BSG: variants seen among roughly 807,000 people sequenced by gnomAD.
BSG encodes basigin (Ok blood group), also known as basigin.
Under a neutral mutation model 43.1 loss-of-function variants are expected in BSG, and 37 were observed. The ratio of observed to expected loss-of-function variants is 0.86; its 90% CI spans 0.66 to 1.13. BSG has a LOEUF of 1.13. BSG is among the 50% of genes most tolerant of loss of function. The pLI, the probability that BSG is intolerant of heterozygous loss-of-function variation, is 0.00. For synonymous variants in BSG, 309 were observed against 238.7 expected (o/e 1.29, Z -2.72); for missense variants, 599 against 554.2 (o/e 1.08, Z -0.81).
rs28989774 is a variant in BSG at position 572,988 on chromosome 19, G to T, written c.67+287G>T. Among the ~76,000 whole-genome samples, 24 of 152,168 alleles carry T rather than the reference G, an allele frequency of 1.6e-4. 1 individual carries two copies. Among genetic ancestry groups the T allele is most frequent in the Non-Finnish European group, 5.9e-5 (4 of 68,008 alleles). On this transcript the variant is annotated intron_variant, in intron 1 of 8. Transcript: ENST00000333511. ...GGCGTGAAGCTCCCTGCTTGGAGGC[G>T]GGAGCCAGGGGGTCCTGGCCAGGCC...
rs104894669 is a variant in BSG at position 580,428 on chromosome 19, G to A, written c.622G>A (p.Glu208Lys). ...AGAGTACTCCTGCGTCTTCCTCCCCGAGCCCATGGGCACGGCCAACATCCA... is the reference window on the plus strand; with the variant it reads ...AGAGTACTCCTGCGTCTTCCTCCCCAAGCCCATGGGCACGGCCAACATCCA... ...WGEYSCVFLP[E>K]PMGTANIQLH... The change falls in exon 4 of 9, where the codon GAG becomes AAG. Residue 208 changes from glutamate (E) to lysine (K), a missense_variant. Coordinates refer to ENST00000333511, the MANE Select transcript of BSG (RefSeq NM_001728.4). The A allele has an allele frequency of 5.0e-5, 80 of 1,610,862 alleles. No individual in the cohort carries two copies. In the East Asian group the frequency reaches 1.5e-3, roughly 30 times the overall value.
At chr19:572,557 C>A, upstream of BSG, 4 of 1,404,780 alleles carry the variant, frequency 2.8e-6, no homozygotes, top group African/African-American at 4.5e-5. Flanking sequence ...CCGGTCCGCG[C>A]CTCCGCCGCT....
intron 1 of BSG, among the ~76,000 whole-genome samples, chr19:576,072 G>A (rs960437016): frequency 2.6e-5 from 4 of 152,232 alleles, no homozygotes; most frequent in Admixed American, 2.0e-4. Context: ...AGAAGCTGGC[G>A]GACCCAGCGG....
intron 1 of BSG, among the ~76,000 whole-genome samples, chr19:574,425 C>T (rs1025127087): frequency 1.3e-5 from 2 of 152,030 alleles, no homozygotes; most frequent in African/African-American, 4.8e-5. Flanking sequence ...TGGTGGCGGG[C>T]GCCTGTAGTC....
In BSG at chr19:582,515, A is replaced by G. The variant is rs778934436; in HGVS notation, c.1096A>G (p.Lys366Glu). The G allele has an allele frequency of 1.9e-6, 3 of 1,608,030 alleles. No individual in the cohort carries two copies. The part of the protein sequence containing the change: ...DDDDAGSAPL[K>E]SSGQHQNDKG... ...CTCACCCGGCCCCTCGTGCCCCAGGAAGAGCAGCGGGCAGCACCAGAATGA... is the reference window on the plus strand; with the variant it reads ...CTCACCCGGCCCCTCGTGCCCCAGGGAGAGCAGCGGGCAGCACCAGAATGA... The change falls in exon 8 of 9, where the codon AAG (lysine) becomes GAG (glutamate). Residue 366 changes from lysine to glutamate, a missense_variant and splice_region_variant. Lys to Glu is a moderately conservative substitution (Grantham distance 56). Transcript: ENST00000333511.
rs112152563 is a variant in BSG, at chr19:582,310, C to G, written c.1074C>G (p.Asp358Glu). 1,297 of 1,603,042 alleles carry G rather than the reference C, an allele frequency of 8.1e-4. 8 individuals are homozygous for G. In the South Asian group the frequency reaches 1.0e-2, roughly 12 times the overall value. The part of the protein sequence containing the change: ...RRKPEDVLDD[D>E]DAGSAPLKSS... ...ATGGCGGCGGTCCTTCTTCAGATGA[C>G]GACGCCGGCTCTGCACCCCTGTAAG... is the stretch of plus-strand genomic sequence containing the variant. The change falls in exon 7 of 9, where the codon GAC becomes GAG. Residue 358 changes from aspartate (D) to glutamate (E), a missense_variant. By Grantham distance (45) the Asp-to-Glu change is conservative. Transcript: ENST00000333511.
At chr19:572,281 C>T, upstream of BSG, 1 of 619,758 alleles carries the variant, frequency 1.6e-6, no homozygotes, top group South Asian at 7.0e-5. Context: ...ACTTTCAACG[C>T]TTCAACCCCC....
At chr19:575,392 T>G (rs976354737) in intron 1 of BSG, 2 of 151,936 alleles carry the variant, frequency 1.3e-5, no homozygotes, top group African/African-American at 4.8e-5. Context: ...GTGGGGTGAG[T>G]GCCCAAGGTT....
chr19:572,689 G>A lies in BSG; in HGVS notation c.55G>A (p.Ala19Thr). Residue 19 changes from alanine to threonine, a missense_variant, in exon 1 of 9, where the codon GCC becomes ACC. Ala to Thr is a moderately conservative substitution (Grantham distance 58). Coordinates refer to ENST00000333511, the MANE Select transcript of BSG (RefSeq NM_001728.4). ...LGFALLGTHG[A>T]SGAAGFVQAP... is the part of the protein sequence containing the mutation. ...ATTCGCGCTGCTGGGCACCCACGGA[G>A]CCTCCGGGGCTGGTGAGGAGCGGGT... is the stretch of plus-strand genomic sequence containing the variant. 1.3e-6 allele frequency: 2 copies of A among 1,487,382 alleles called. No individual in the cohort carries two copies. The highest frequency in any genetic ancestry group is 1.3e-5 in the South Asian group (1 of 77,668). 92.1% of individuals were successfully genotyped at this position (1,487,382 alleles called of 1,614,324 possible). A position where few individuals can be genotyped will look rare whatever the true frequency, so the allele number is the denominator to read the frequency against.
At chr19:580,313 A>G in intron 3 of BSG, 66 bp from the exon 4 acceptor site, 1 of 1,467,368 alleles carries the variant, frequency 6.8e-7, no homozygotes, top group Non-Finnish European at 9.4e-7. Context: ...GCCCCTGGAG[A>G]ACCCTGGGTC....
chr19:580,530 G>A (rs376337062), intron 4 of BSG, 69 bp downstream of exon 4: 87 of 1,604,490 alleles, frequency 5.4e-5, no homozygotes, highest in Middle Eastern at 5.1e-4. Flanking sequence ...TGAGGCACCC[G>A]GCACATCCCA....
chr19:572,463 A>AGCGTGTGCGC, upstream of BSG: 1 of 1,161,544 alleles, frequency 8.6e-7, no homozygotes, highest in Non-Finnish European at 1.1e-6. Context: ...CGTACATGCG[A>AGCGTGTGCGC]GCGTGTGCGC....
chr19:579,315 C>G (rs1202845279), intron 2 of BSG, 185 bp from the exon 3 acceptor site: 1 of 824,282 alleles, frequency 1.2e-6, no homozygotes, highest in Admixed American at 2.0e-5. Context: ...TGGGCTCTTC[C>G]CTTCCCGGAG....
intron 1 of BSG, 76 bp from the exon 2 acceptor site, chr19:577,689 AGTCCTGTGG>A: frequency 8.7e-7 from 1 of 1,147,002 alleles, no homozygotes; most frequent in Non-Finnish European, 1.1e-6. Context: ...CCTGGCTGGG[AGTCCTGTGG>A]GCGAGGCCTT....
chr19:579,506 C>A lies in BSG; in HGVS notation c.422C>A (p.Thr141Lys), dbSNP rs150791055. The change falls in exon 3 of 9, where the codon ACA becomes AAA. Residue 141 changes from threonine to lysine, a missense_variant. Transcript: ENST00000333511. ...QAVVLVLEPG[T>K]VFTTVEDLGS... ...GTCTCGCCGGGCCTTGCAGCCGGCA[C>A]AGTCTTCACTACCGTAGAAGACCTT... 6.2e-7 allele frequency: 1 copy of A among 1,612,556 alleles called. No homozygotes were observed. Among genetic ancestry groups the A allele is most frequent in the African/African-American group, 1.3e-5 (1 of 74,950 alleles).
intron 1 of BSG, chr19:575,099 C>T (rs1439524627): frequency 6.6e-6 from 1 of 152,340 alleles, no homozygotes; most frequent in African/African-American, 2.4e-5. Flanking sequence ...AAAGCTTAGC[C>T]TGGGGCTTAC....
At chr19:581,054 T>C (rs10402344) in intron 5 of BSG, among the ~76,000 whole-genome samples, 1,487 of 40,284 alleles carry the variant, frequency 0.037, 450 homozygotes, top group African/African-American at 0.15. Context: ...CCCAGCCCTC[T>C]GGACTGCAGC....
Position 582,840 on chromosome 19 carries a change from GA to G in BSG, c.*100del. The G allele has an allele frequency of 1.8e-6, 1 of 551,940 alleles. No individual in the cohort carries two copies. The highest frequency in any genetic ancestry group is 2.4e-5 in the South Asian group (1 of 41,886). The allele number at this position is 551,940 out of a possible 1,614,324, so 34.2% of individuals were successfully genotyped here. A position where few individuals can be genotyped will look rare whatever the true frequency, so the allele number is the denominator to read the frequency against. On this transcript the variant is annotated 3_prime_UTR_variant, in exon 9 of 9. Coordinates refer to ENST00000333511, the MANE Select transcript of BSG (RefSeq NM_001728.4). ...AGATTCCAAGTTCTCACCTCTTAAAGAAAACCCACCCCGTAGATTCCCATCA... is the reference window on the plus strand; with the variant it reads ...AGATTCCAAGTTCTCACCTCTTAAAGAAACCCACCCCGTAGATTCCCATCA...
In BSG at chr19:582,893, T is replaced by G. The variant is rs1171598634; in HGVS notation, c.*149T>G. On this transcript the variant is annotated 3_prime_UTR_variant, in exon 9 of 9. Transcript: ENST00000333511. Reference sequence around the variant, plus strand: ...ACACTTCCTTCTTTTTTAAAAAAGTTGGGTTTTCTCCATTCAGGATTCTGT... The same window carrying G: ...ACACTTCCTTCTTTTTTAAAAAAGTGGGGTTTTCTCCATTCAGGATTCTGT... The G allele has an allele frequency of 2.3e-6, 1 of 428,154 alleles. No homozygotes were observed. Among genetic ancestry groups the G allele is most frequent in the Non-Finnish European group, 4.2e-6 (1 of 238,654 alleles). The allele number at this position is 428,154 out of a possible 1,614,324, so 26.5% of individuals were successfully genotyped here. A position where few individuals can be genotyped will look rare whatever the true frequency, so the allele number is the denominator to read the frequency against.
Sources: allele counts gnomAD v4.1 joint callset (sites outside exome capture counted in the v4.1 genomes callset), GRCh38; gene constraint gnomAD v4.1.1; transcripts MANE v1.5; gene names NCBI Gene and HGNC (gene_info 2026-07-23, HGNC 2026-07-21).